The following TSHZ3 variants were observed in gnomAD, a reference collection of about 807,000 sequenced individuals.
The protein encoded by TSHZ3 is teashirt homolog 3.
In TSHZ3, 10 loss-of-function variants were observed where a neutral mutation model predicts 64.5. That is an observed-to-expected ratio of 0.16 (90% CI 0.10 to 0.26). TSHZ3 has a LOEUF of 0.26. Among genes scored for constraint, TSHZ3 ranks in the 10% least tolerant of loss-of-function variants. The pLI is 1.00. For missense variants in TSHZ3, 1,242 were observed against 1,421.7 expected, an observed-to-expected ratio of 0.87 and a Z score of 2.03; for synonymous variants, 608 against 593.1, an observed-to-expected ratio of 1.03 and a Z score of -0.36.
intron 1 of TSHZ3, among the ~76,000 whole-genome samples, chr19:31,253,184 G>A (rs1975864031): frequency 1.3e-5 from 2 of 152,144 alleles, no homozygotes; most frequent in Non-Finnish European, 2.9e-5. Context: ...GGTGTTCCCA[G>A]GGACAGGGGT....
chr19:31,293,652 C>G (rs2145132966), intron 1 of TSHZ3, among the ~76,000 whole-genome samples: 1 of 152,368 alleles, frequency 6.6e-6, no homozygotes. Flanking sequence ...CCTCTAAACT[C>G]TAAAGCCTAC....
chr19:31,329,323 G>A (rs191411717), intron 1 of TSHZ3, among the ~76,000 whole-genome samples: 7 of 152,316 alleles, frequency 4.6e-5, no homozygotes, highest in African/African-American at 1.7e-4. Context: ...AAGGTGTCAC[G>A]CTGCCTTGTG....
chr19:31,184,763 C>T (rs922315040), intron 5 of TSHZ3, among the ~76,000 whole-genome samples: 2 of 152,124 alleles, frequency 1.3e-5, no homozygotes, highest in African/African-American at 2.4e-5. Flanking sequence ...GTGGTTTCCT[C>T]GATGTGAATG....
At chr19:31,325,131 G>A (rs764348429) in intron 1 of TSHZ3, among the ~76,000 whole-genome samples, 1 of 152,308 alleles carries the variant, frequency 6.6e-6, no homozygotes, top group South Asian at 2.1e-4. Flanking sequence ...CGGGCACAGT[G>A]CCTCTGTGTC....
At chr19:31,188,836 T>C (rs1001836955) in intron 5 of TSHZ3, among the ~76,000 whole-genome samples, 5 of 151,950 alleles carry the variant, frequency 3.3e-5, no homozygotes, top group African/African-American at 9.6e-5. Flanking sequence ...CTTTCTTCTC[T>C]ATTTTCTGAA....
intron 1 of TSHZ3, among the ~76,000 whole-genome samples, chr19:31,323,199 G>A (rs1916824534): frequency 6.6e-6 from 1 of 152,202 alleles, no homozygotes; most frequent in Non-Finnish European, 1.5e-5. Context: ...AGACACCAAA[G>A]GCCAGGCCTC....
intron 5 of TSHZ3, among the ~76,000 whole-genome samples, chr19:31,178,333 C>T (rs2145122819): frequency 6.6e-6 from 1 of 152,272 alleles, no homozygotes; most frequent in East Asian, 1.9e-4. Context: ...CATTCGCACC[C>T]CTCCTTCATT....
chr19:31,251,378 G>A (rs1234554269), intron 1 of TSHZ3, among the ~76,000 whole-genome samples: 1 of 152,182 alleles, frequency 6.6e-6, no homozygotes, highest in Non-Finnish European at 1.5e-5. Flanking sequence ...AGAAGAGGTG[G>A]TCTTACTAAT....
chr19:31,290,448 G>T (rs776388986), intron 1 of TSHZ3, among the ~76,000 whole-genome samples: 2 of 151,972 alleles, frequency 1.3e-5, no homozygotes, highest in Non-Finnish European at 2.9e-5. Flanking sequence ...ACACACACTG[G>T]GGGGTACCAA....
At chr19:31,308,525 G>C in intron 1 of TSHZ3, 1 of 395,544 alleles carries the variant, frequency 2.5e-6, no homozygotes, top group Non-Finnish European at 4.5e-6. Context: ...CCACCACTAA[G>C]GGCTCCATTT....
intron 5 of TSHZ3, among the ~76,000 whole-genome samples, chr19:31,197,044 T>A (rs970269962): frequency 1.3e-5 from 2 of 151,894 alleles, no homozygotes; most frequent in African/African-American, 4.8e-5. Context: ...TTAACCAAGA[T>A]AGACCACATT....
At position 31,186,708 on chromosome 19, in the gene TSHZ3, A is replaced by G. The variant is rs80268164; in HGVS notation, n.809+18248T>C. On this transcript the variant is annotated intron_variant and non_coding_transcript_variant, in intron 5 of 6. Coordinates refer to the TSHZ3 transcript ENST00000651361. ...GAGAGCTCTGCAACCTGTTTATTCC[A>G]TATCTTCACCAACATTTAGCATTGA... Among the ~76,000 whole-genome samples, 1,402 of 152,310 alleles carry G rather than the reference A, an allele frequency of 9.2e-3. 21 individuals are homozygous for G. Among genetic ancestry groups the G allele is most frequent in the African/African-American group, 0.032 (1,337 of 41,572 alleles).
rs138740434 is a variant in TSHZ3 at position 31,209,743 on chromosome 19, A to G, written n.687-4665T>C. ...CCCTGACATGAATGGGGCTAACTCA[A>G]TGGCATAAGGTGTGGGAATGGTGTT... On this transcript the variant is annotated intron_variant and non_coding_transcript_variant, in intron 4 of 6. Transcript: ENST00000651361. 2.3e-3 allele frequency among the ~76,000 whole-genome samples: 355 copies of G among 152,248 alleles called. 1 individual carries two copies. Among genetic ancestry groups the G allele is most frequent in the African/African-American group, 8.1e-3 (336 of 41,538 alleles).
At chr19:31,217,590 T>C (rs909894640) in intron 4 of TSHZ3, among the ~76,000 whole-genome samples, 5 of 152,136 alleles carry the variant, frequency 3.3e-5, no homozygotes, top group African/African-American at 1.2e-4. Context: ...GCCTCCTCCA[T>C]TATCGACAGC....
At chr19:31,310,423 G>T (rs7253629) in intron 1 of TSHZ3, among the ~76,000 whole-genome samples, 22,488 of 152,128 alleles carry the variant, frequency 0.15, 2,021 homozygotes, top group Middle Eastern at 0.29. Flanking sequence ...CCTGTGCACT[G>T]GTGTCCAGGG....
exon 7 of TSHZ3, among the ~76,000 whole-genome samples, chr19:31,150,892 G>A: frequency 6.6e-6 from 1 of 152,116 alleles, no homozygotes; most frequent in East Asian, 1.9e-4. Flanking sequence ...GACATCAGGA[G>A]CCTGCCCATC....
chr19:31,234,181 CTTG>C (rs939863043), intron 3 of TSHZ3, among the ~76,000 whole-genome samples: 11 of 152,078 alleles, frequency 7.2e-5, no homozygotes, highest in African/African-American at 2.4e-4. Flanking sequence ...TTTCTAAATA[CTTG>C]TTGTTCATAA....
At chr19:31,209,756 T>C (rs957642034) in intron 4 of TSHZ3, among the ~76,000 whole-genome samples, 2 of 151,994 alleles carry the variant, frequency 1.3e-5, no homozygotes, top group African/African-American at 4.8e-5. Context: ...GCATAAGGTG[T>C]GGGAATGGTG....
intron 1 of TSHZ3, among the ~76,000 whole-genome samples, chr19:31,267,587 G>A (rs1976071211): frequency 6.6e-6 from 1 of 151,936 alleles, no homozygotes; most frequent in Non-Finnish European, 1.5e-5. Context: ...TTCTTTCAAG[G>A]GTCTCTCTGG....
Sources: allele counts gnomAD v4.1 joint callset (sites outside exome capture counted in the v4.1 genomes callset), GRCh38; gene constraint gnomAD v4.1.1; transcripts MANE v1.5; gene names NCBI Gene and HGNC (gene_info 2026-07-23, HGNC 2026-07-21).